The following ANK1 variants were observed in gnomAD, a reference collection of about 807,000 sequenced individuals.
The protein encoded by ANK1 is ankyrin-1.
Under a neutral mutation model 210.4 loss-of-function variants are expected in ANK1, and 51 were observed. That is an observed-to-expected ratio of 0.24 (90% confidence interval 0.19 to 0.31). The LOEUF (loss-of-function observed/expected upper bound fraction) is 0.31. Ranked by LOEUF, ANK1 falls within the 10% of genes least tolerant of loss-of-function variation. ANK1 has a pLI of 1.00. For synonymous variants in ANK1, 967 were observed against 1,025.9 expected (o/e 0.94, Z 1.10); for missense variants, 2,051 against 2,504.4 (o/e 0.82, Z 3.86).
At position 41,704,655 on chromosome 8, in the gene ANK1, A is replaced by C. The variant is rs1049953019; in HGVS notation, c.2098-183T>G. 6.6e-6 allele frequency among the ~76,000 whole-genome samples: 1 copy of C among 152,178 alleles called. No homozygotes were observed. Among genetic ancestry groups the C allele is most frequent in the Non-Finnish European group, 1.5e-5 (1 of 68,022 alleles). On this transcript the variant is annotated intron_variant, in intron 18 of 42. Transcript: ENST00000289734. The surrounding 1 kb of genome is among the most constrained non-coding windows in gnomAD (Gnocchi z 4.1). The stretch of plus-strand genomic sequence containing the variant: ...GGCTGAGATGCTTGTGGGAGACCCA[A>C]GGGGAGACGTCAAGCGGGCAACTGG...
chr8:41,789,119 C>T (rs1847074904), intron 1 of ANK1: 2 of 152,232 alleles, frequency 1.3e-5, no homozygotes, highest in African/African-American at 4.8e-5. Flanking sequence ...GTTTCAGCCT[C>T]CATGGTATTG....
At chr8:41,671,137 C>G (rs566915927) in intron 38 of ANK1, among the ~76,000 whole-genome samples, 106 of 152,316 alleles carry the variant, frequency 7.0e-4, no homozygotes, top group Non-Finnish European at 1.2e-3. Context: ...TTCTCCTGAC[C>G]TGCCGACGCT....
Position 41,693,891 on chromosome 8 carries a change from CT to C in ANK1, c.3532+6del, listed in dbSNP as rs746754104. On this transcript the variant is annotated splice_donor_region_variant and intron_variant, in intron 29 of 42. Transcript: ENST00000289734. ...GAGAACAGAAGCGAGGCAGGGGCCC[CT>C]CTCACCAATGACGCTGCAAAGCAGG... 1.2e-6 allele frequency: 2 copies of C among 1,601,318 alleles called. No individual in the cohort carries two copies. The highest frequency in any genetic ancestry group is 2.3e-5 in the East Asian group (1 of 44,350).
At chr8:41,682,216 G>T (rs866067225) in intron 37 of ANK1, among the ~76,000 whole-genome samples, 2 of 151,108 alleles carry the variant, frequency 1.3e-5, no homozygotes, top group South Asian at 2.1e-4. Flanking sequence ...TCCTGTGAAC[G>T]CATCAGGAAA....
chr8:41,718,022 A>G, intron 11 of ANK1, 84 bp downstream of exon 11: 1 of 1,349,000 alleles, frequency 7.4e-7, no homozygotes, highest in Non-Finnish European at 1.0e-6. Flanking sequence ...GCAGCCATAC[A>G]AAGCTACAAA....
chr8:41,778,563 TG>T, intron 1 of ANK1, among the ~76,000 whole-genome samples: 1 of 152,218 alleles, frequency 6.6e-6, no homozygotes, highest in Non-Finnish European at 1.5e-5. Flanking sequence ...CCTGACCTCC[TG>T]GAGAGAACGT....
intron 37 of ANK1, among the ~76,000 whole-genome samples, chr8:41,680,432 G>A (rs998660317): frequency 2.0e-4 from 30 of 151,868 alleles, no homozygotes; most frequent in African/African-American, 2.7e-4. Context: ...GTATGGTGGC[G>A]GGCACCTGTA....
chr8:41,807,935 GGGAGGGGAAGAGGA>G lies in ANK1; in HGVS notation c.127-49812_127-49799del, dbSNP rs199923364. 1.2e-3 allele frequency among the ~76,000 whole-genome samples: 182 copies of G among 150,006 alleles called. No individual in the cohort carries two copies. In the East Asian group the frequency reaches 0.024, roughly 20 times the overall value. ...GGGACAAAAGAAGGGGGAAGGAGGA[GGGAGGGGAAGAGGA>G]GGAGGGGAAGAGGAGGAGGGGAGGA... On this transcript the variant is annotated intron_variant, in intron 1 of 42. Coordinates refer to the ANK1 transcript ENST00000265709.
At chr8:41,718,642 G>T (rs955933718) in intron 10 of ANK1, among the ~76,000 whole-genome samples, 9 of 152,298 alleles carry the variant, frequency 5.9e-5, no homozygotes, top group African/African-American at 2.2e-4. Context: ...TGTAAACTCT[G>T]AAGGGCAGAA....
rs2304871 is a variant in ANK1, at chr8:41,727,920, G to A, written c.315C>T (p.Asn105=). Residue 105 remains asparagine (N), a synonymous_variant, in exon 4 of 43, where the codon AAC becomes AAT. Transcript: ENST00000289734. ...AGAGAGCCATTACCTGTGACTGGGC[G>A]TTGACGTTGGCTCCATAGTTGACAA... ...RELVNYGANV[N]AQSQKGFTPL... 0.26 allele frequency: 427,373 copies of A among 1,613,572 alleles called. 58,122 individuals carry two copies. Among genetic ancestry groups the A allele is most frequent in the Middle Eastern group, 0.38 (2,284 of 6,060 alleles).
intron 17 of ANK1, among the ~76,000 whole-genome samples, chr8:41,707,375 G>A (rs934753850): frequency 6.6e-6 from 1 of 152,214 alleles, no homozygotes; most frequent in Non-Finnish European, 1.5e-5. Context: ...GGCACAGACC[G>A]TGTCCCCTCT....
intron 37 of ANK1, among the ~76,000 whole-genome samples, chr8:41,674,018 C>T (rs1407198378): frequency 6.6e-6 from 1 of 152,120 alleles, no homozygotes; most frequent in Non-Finnish European, 1.5e-5. Flanking sequence ...AGTTCAAATG[C>T]TCCATTCTGC....
chr8:41,753,420 C>G lies in ANK1; in HGVS notation c.129+4616G>C, dbSNP rs1322396649. 5.3e-5 allele frequency among the ~76,000 whole-genome samples: 8 copies of G among 152,174 alleles called. No individual in the cohort carries two copies. The East Asian group carries it at 1.4e-3, about 26-fold the overall frequency. On this transcript the variant is annotated intron_variant, in intron 2 of 42. Coordinates refer to ENST00000289734, the MANE Select transcript of ANK1 (RefSeq NM_000037.4). ...GCTGCTCTGGCCACTGTCCCCCTCC[C>G]CCAGACCCCTTCCCCTCAGTCAGCA...
At chr8:41,798,949 G>C (rs1466517823), upstream of ANK1, among the ~76,000 whole-genome samples, 2 of 152,064 alleles carry the variant, frequency 1.3e-5, no homozygotes, top group Non-Finnish European at 2.9e-5. Context: ...GCTGCGGAAA[G>C]ATGCCACCGA....
rs751481179 is a variant in ANK1 at position 41,723,548 on chromosome 8, T to G, written c.797A>C (p.Glu266Ala). Residue 266 changes from glutamate (E) to alanine (A), a missense_variant, in exon 8 of 43, where the codon GAA becomes GCA. Physicochemically the swap from Glu to Ala is moderately radical, Grantham distance 107. Coordinates refer to ENST00000289734, the MANE Select transcript of ANK1 (RefSeq NM_000037.4). Reference sequence around the variant, plus strand: ...GCTGGCACCCACCTTGGTCTTGGTTTCTATCTGGGCTCCCCGATCCAGCAG... The same window carrying G: ...GCTGGCACCCACCTTGGTCTTGGTTGCTATCTGGGCTCCCCGATCCAGCAG... ...RLLLDRGAQIETKTKDELTPL... is the reference protein window; with the variant it reads ...RLLLDRGAQIATKTKDELTPL... 6.8e-6 allele frequency: 11 copies of G among 1,614,072 alleles called. No homozygotes were observed. In the South Asian group the frequency reaches 1.2e-4, roughly 18 times the overall value.
chr8:41,717,115 A>G, intron 12 of ANK1, 64 bp from the exon 13 acceptor site: 1 of 1,569,408 alleles, frequency 6.4e-7, no homozygotes, highest in Non-Finnish European at 8.8e-7. Context: ...GCACACACAG[A>G]GCTAGGAAGT....
chr8:41,763,640 G>A (rs962973313), intron 1 of ANK1, among the ~76,000 whole-genome samples: 8 of 152,032 alleles, frequency 5.3e-5, no homozygotes, highest in African/African-American at 1.5e-4. Context: ...TGCCTCGGCC[G>A]TTAAAGAGCT....
At chr8:41,782,220 T>A (rs1845490095) in intron 1 of ANK1, among the ~76,000 whole-genome samples, 1 of 152,074 alleles carries the variant, frequency 6.6e-6, no homozygotes, top group Non-Finnish European at 1.5e-5. Flanking sequence ...AACTGAATAT[T>A]TCCATAGAGA....
intron 1 of ANK1, among the ~76,000 whole-genome samples, chr8:41,868,037 T>C (rs927706244): frequency 1.2e-4 from 18 of 152,160 alleles, no homozygotes; most frequent in Non-Finnish European, 1.5e-5. Context: ...TTTTGTATTT[T>C]TAGTAAAGGC....
Sources: allele counts gnomAD v4.1 joint callset (sites outside exome capture counted in the v4.1 genomes callset), GRCh38; gene constraint gnomAD v4.1.1; non-coding constraint Gnocchi (gnomAD v3.1); transcripts MANE v1.5; gene names NCBI Gene and HGNC (gene_info 2026-07-23, HGNC 2026-07-21).